The following MIS18A variants were observed in gnomAD, a reference collection of about 807,000 sequenced individuals.
The protein encoded by MIS18A is protein Mis18-alpha.
MIS18A carries 14 observed loss-of-function variants against 25.0 expected under a neutral mutation model. That is an observed-to-expected ratio of 0.56 (90% CI 0.37 to 0.88). MIS18A has a LOEUF of 0.88. Ranked by LOEUF, MIS18A falls within the 40% of genes least tolerant of loss-of-function variation. The pLI, the probability that MIS18A is intolerant of heterozygous loss-of-function variation, is 0.00. For synonymous variants in MIS18A, 134 were observed against 118.6 expected, an observed-to-expected ratio of 1.13 and a Z score of -0.84; for missense variants, 292 against 290.8, an observed-to-expected ratio of 1.00 and a Z score of -0.03.
In MIS18A at chr21:32,278,996, G is replaced by C. The variant is rs150338026; in HGVS notation, c.19C>G (p.Leu7Val). 6.2e-7 allele frequency: 1 copy of C among 1,601,508 alleles called. No homozygotes were observed. The highest frequency in any genetic ancestry group is 8.5e-7 in the Non-Finnish European group (1 of 1,174,370). MAGVRS[L>V]RCSRGCAGGC... ...CCAGCGCATCCTCTGCTACACCTCA[G>C]TGACCGAACGCCTGCCATTACCTAC... Residue 7 changes from leucine to valine, a missense_variant, in exon 1 of 5, where the codon CTG becomes GTG. Physicochemically the swap from Leu to Val is conservative, Grantham distance 32. Coordinates refer to ENST00000290130, the MANE Select transcript of MIS18A (RefSeq NM_018944.3).
chr21:32,249,977 C>A, the MIS18A span, among the ~76,000 whole-genome samples: 1 of 152,294 alleles, frequency 6.6e-6, no homozygotes, highest in African/African-American at 2.4e-5. Context: ...TTGGCACTCC[C>A]ATTTCACAGA....
At chr21:32,216,805 C>T in the MIS18A span, among the ~76,000 whole-genome samples, 1 of 152,136 alleles carries the variant, frequency 6.6e-6, no homozygotes, top group Non-Finnish European at 1.5e-5. Context: ...CATACAGAAC[C>T]TCTCAGCAAA....
chr21:32,229,711 A>T, the MIS18A span, among the ~76,000 whole-genome samples: 1 of 152,190 alleles, frequency 6.6e-6, no homozygotes, highest in East Asian at 1.9e-4. Context: ...CATATTGGTC[A>T]ATTCTTTGCT....
chr21:32,243,656 G>GTT, the MIS18A span, among the ~76,000 whole-genome samples: 5 of 152,088 alleles, frequency 3.3e-5, no homozygotes, highest in Admixed American at 2.0e-4. Context: ...ACTCACAGGG[G>GTT]TTTACCCAAG....
chr21:32,179,158 A>C, the MIS18A span, among the ~76,000 whole-genome samples: 1 of 151,994 alleles, frequency 6.6e-6, no homozygotes, highest in Non-Finnish European at 1.5e-5. Flanking sequence ...AGTATCTGGA[A>C]TATGTATCTC....
At chr21:32,258,437 T>G in the MIS18A span, among the ~76,000 whole-genome samples, 1,355 of 152,274 alleles carry the variant, frequency 8.9e-3, 19 homozygotes, top group South Asian at 0.026. Flanking sequence ...TGAGGCAACC[T>G]TCCTGTTGGA....
the MIS18A span, among the ~76,000 whole-genome samples, chr21:32,224,500 C>A: frequency 5.4e-4 from 81 of 148,890 alleles, no homozygotes; most frequent in Non-Finnish European, 8.8e-4. Flanking sequence ...AAACAGAGAG[C>A]CAAATCATGA....
chr21:32,257,586 A>C, the MIS18A span, among the ~76,000 whole-genome samples: 1 of 152,208 alleles, frequency 6.6e-6, no homozygotes, highest in East Asian at 1.9e-4. Flanking sequence ...ATTTCAAATC[A>C]ATACCTAATT....
chr21:32,243,089 A>C, the MIS18A span, among the ~76,000 whole-genome samples: 1 of 152,214 alleles, frequency 6.6e-6, no homozygotes, highest in Non-Finnish European at 1.5e-5. Flanking sequence ...CAGAAACCTC[A>C]CACCTTATTA....
chr21:32,174,935 T>C, the MIS18A span, among the ~76,000 whole-genome samples: 6 of 152,294 alleles, frequency 3.9e-5, no homozygotes, highest in East Asian at 9.6e-4. Flanking sequence ...CTAAACACTA[T>C]GGAATTAAGC....
At chr21:32,192,298 G>T in the MIS18A span, among the ~76,000 whole-genome samples, 1 of 152,140 alleles carries the variant, frequency 6.6e-6, no homozygotes, top group African/African-American at 2.4e-5. Flanking sequence ...CCTCCAACCC[G>T]ACTGCAGAAC....
At chr21:32,188,508 C>T in the MIS18A span, among the ~76,000 whole-genome samples, 1 of 152,194 alleles carries the variant, frequency 6.6e-6, no homozygotes, top group Non-Finnish European at 1.5e-5. Context: ...CTAACTCTGT[C>T]TTTAGTCCCT....
intron 4 of MIS18A, chr21:32,269,461 C>A: frequency 2.2e-6 from 1 of 454,512 alleles, no homozygotes; most frequent in Non-Finnish European, 3.9e-6. Flanking sequence ...AGATGTATTT[C>A]TAGCTTTGCA....
At chr21:32,259,433 A>G in the MIS18A span, among the ~76,000 whole-genome samples, 1 of 152,000 alleles carries the variant, frequency 6.6e-6, no homozygotes, top group Non-Finnish European at 1.5e-5. Context: ...CAAGGTCATC[A>G]TTTCCCCCTA....
chr21:32,249,553 A>G, the MIS18A span, among the ~76,000 whole-genome samples: 1 of 152,220 alleles, frequency 6.6e-6, no homozygotes, highest in African/African-American at 2.4e-5. Context: ...ACTGACGTTT[A>G]CGTGGCAATT....
Position 32,268,959 on chromosome 21 carries a change from C to G in MIS18A, c.*78G>C. On this transcript the variant is annotated 3_prime_UTR_variant, in exon 5 of 5. Transcript: ENST00000290130. ...TTTTTTCTTTTTTTTTTTGTAGAGACGACGTCTCACTATGTTGCTTCATTT... is the reference window on the plus strand; with the variant it reads ...TTTTTTCTTTTTTTTTTTGTAGAGAGGACGTCTCACTATGTTGCTTCATTT... 2 of 956,420 alleles carry G rather than the reference C, an allele frequency of 2.1e-6. No homozygotes were observed. The highest frequency in any genetic ancestry group is 1.7e-5 in the African/African-American group (1 of 58,006). 59.2% of individuals were successfully genotyped at this position (956,420 alleles called of 1,614,324 possible).
At chr21:32,275,111 CA>C (rs2031786047) in intron 1 of MIS18A, among the ~76,000 whole-genome samples, 1 of 152,154 alleles carries the variant, frequency 6.6e-6, no homozygotes, top group Non-Finnish European at 1.5e-5. Context: ...CAGGGACTCA[CA>C]CCTGTCATCC....
At chr21:32,156,812 A>G in the MIS18A span, among the ~76,000 whole-genome samples, 2 of 151,990 alleles carry the variant, frequency 1.3e-5, no homozygotes, top group South Asian at 4.1e-4. Flanking sequence ...GGCACCATGT[A>G]AAAGAGACCC....
chr21:32,271,942 T>C (rs2123465859), intron 2 of MIS18A, among the ~76,000 whole-genome samples: 1 of 152,298 alleles, frequency 6.6e-6, no homozygotes, highest in East Asian at 1.9e-4. Flanking sequence ...ACCAGAGGCT[T>C]GAACTCCCCA....
Sources: allele counts gnomAD v4.1 joint callset (sites outside exome capture counted in the v4.1 genomes callset), GRCh38; gene constraint gnomAD v4.1.1; transcripts MANE v1.5; gene names NCBI Gene and HGNC (gene_info 2026-07-23, HGNC 2026-07-21).